The following ASMTL variants were observed in gnomAD, a reference collection of about 807,000 sequenced individuals.
ASMTL encodes probable bifunctional dTTP/UTP pyrophosphatase/methyltransferase protein.
Under a neutral mutation model 60.3 loss-of-function variants are expected in ASMTL, and 57 were observed. The ratio of observed to expected loss-of-function variants is 0.95; its 90% CI spans 0.76 to 1.18. The LOEUF (loss-of-function observed/expected upper bound fraction) is 1.18. Among genes scored for constraint, ASMTL ranks in the 50% most tolerant of loss-of-function variants. ASMTL has a pLI of 0.00. For synonymous variants in ASMTL, 419 were observed against 373.0 expected, an observed-to-expected ratio of 1.12 and a Z score of -1.42; for missense variants, 981 against 852.6, an observed-to-expected ratio of 1.15 and a Z score of -1.88.
intron 3 of ASMTL, among the ~76,000 whole-genome samples, chrX:1,437,995 G>A (rs1252320496): frequency 2.0e-5 from 3 of 150,440 alleles, no homozygotes; most frequent in Non-Finnish European, 3.0e-5. Context: ...GTTAAAAGAA[G>A]GGGAAAATTT....
At chrX:1,438,158 G>C (rs5989667) in intron 3 of ASMTL, among the ~76,000 whole-genome samples, 1 of 150,892 alleles carries the variant, frequency 6.6e-6, no homozygotes, top group Non-Finnish European at 1.5e-5. Flanking sequence ...GCGTGGTGGC[G>C]GGTGCCTGTG....
At chrX:1,450,981 T>C (rs761678451) in intron 1 of ASMTL, among the ~76,000 whole-genome samples, 672 of 38,028 alleles carry the variant, frequency 0.018, no homozygotes, top group African/African-American at 0.022. Flanking sequence ...TCCTGGGTTA[T>C]TCTCCCCTCC....
At chrX:1,405,389 T>A in intron 12 of ASMTL, among the ~76,000 whole-genome samples, 2 of 137,624 alleles carry the variant, frequency 1.5e-5, no homozygotes, top group African/African-American at 5.6e-5. Flanking sequence ...AATAGGTAGG[T>A]AGGTAGATAG....
chrX:1,412,894 G>C, intron 11 of ASMTL, 40 bp from the exon 12 acceptor site: 1 of 1,612,318 alleles, frequency 6.2e-7, no homozygotes, highest in Non-Finnish European at 8.5e-7. Flanking sequence ...GTCAGGTATG[G>C]AAGAAGCAGT....
intron 1 of ASMTL, among the ~76,000 whole-genome samples, chrX:1,451,064 C>G (rs150100468): frequency 1.7e-5 from 2 of 114,394 alleles, no homozygotes; most frequent in Non-Finnish European, 3.2e-5. Context: ...TCCCCTCCCC[C>G]ATACCTAGGG....
Position 1,417,976 on chromosome X carries a change from C to T in ASMTL, c.1519G>A (p.Ala507Thr). Residue 507 changes from alanine (A) to threonine (T), a missense_variant, in exon 11 of 13, where the codon GCA becomes ACA. Ala to Thr is a moderately conservative substitution (Grantham distance 58, BLOSUM62 0). Coordinates refer to ENST00000381317, the MANE Select transcript of ASMTL (RefSeq NM_004192.4). ...GPQAVQIHFA[A>T]GDFFRDPLPS... ...GGTGAACAGGAGGAGGGCTCACCTG[C>T]TGCGAAGTGGATCTGCACTGCCTGC... is the stretch of plus-strand genomic sequence containing the variant. 6.2e-7 allele frequency: 1 copy of T among 1,608,208 alleles called. No homozygotes were observed. The highest frequency in any genetic ancestry group is 1.3e-5 in the African/African-American group (1 of 74,944).
intron 6 of ASMTL, among the ~76,000 whole-genome samples, chrX:1,429,740 T>C (rs2090716237): frequency 6.6e-6 from 1 of 151,870 alleles, no homozygotes; most frequent in South Asian, 2.1e-4. Flanking sequence ...GAGGTTGCAG[T>C]GAGCCAAGAT....
At chrX:1,419,696 C>G (rs1217166440) in intron 9 of ASMTL, among the ~76,000 whole-genome samples, 3 of 152,194 alleles carry the variant, frequency 2.0e-5, no homozygotes, top group Non-Finnish European at 4.4e-5. Context: ...GCAGGGCAAG[C>G]AAGCCCAGCT....
At chrX:1,432,244 T>G in intron 6 of ASMTL, 25 bp downstream of exon 6, 2 of 1,559,290 alleles carry the variant, frequency 1.3e-6, no homozygotes, top group Non-Finnish European at 1.8e-6. Flanking sequence ...GTGTCCCCCG[T>G]CCCCCCACCG....
rs751655694 is a variant in ASMTL, at chrX:1,419,122, A to G, written c.1246-8T>C. On this transcript the variant is annotated splice_region_variant and splice_polypyrimidine_tract_variant and intron_variant, in intron 9 of 12. Coordinates refer to ENST00000381317, the MANE Select transcript of ASMTL (RefSeq NM_004192.4). ...GCTCTGGTAGTACGCATCCTGGAAC[A>G]CAGCAGGTGCTTAGGGGCACCAGAG... The G allele has an allele frequency of 6.3e-5, 101 of 1,610,810 alleles. No individual in the cohort carries two copies. The Middle Eastern group carries it at 1.5e-3, about 24-fold the overall frequency.
intron 3 of ASMTL, among the ~76,000 whole-genome samples, chrX:1,437,489 T>C (rs1421389870): frequency 9.2e-5 from 14 of 152,110 alleles, no homozygotes; most frequent in African/African-American, 2.2e-4. Context: ...TCCCCCTGTG[T>C]CCTCACAGGG....
In ASMTL at chrX:1,452,762, T is replaced by G; in HGVS notation, c.79A>C (p.Ile27Leu). The change falls in exon 1 of 13, where the codon ATC becomes CTC. Residue 27 changes from isoleucine (I) to leucine (L), a missense_variant. Physicochemically the swap from Ile to Leu is conservative, Grantham distance 5 (BLOSUM62 2). Coordinates refer to ENST00000381317, the MANE Select transcript of ASMTL (RefSeq NM_004192.4). ...CCAGGCCGTACCGCGTTGCTGAGGATCTCCTGACGGCGTGGGGAGGCGCTG... is the reference window on the plus strand; with the variant it reads ...CCAGGCCGTACCGCGTTGCTGAGGAGCTCCTGACGGCGTGGGGAGGCGCTG... ...LASASPRRQE[I>L]LSNAGLRFEV... is the part of the protein sequence containing the mutation. 1 of 1,592,544 alleles carries G rather than the reference T, an allele frequency of 6.3e-7. No homozygotes were observed. The highest frequency in any genetic ancestry group is 8.5e-7 in the Non-Finnish European group (1 of 1,175,640).
chrX:1,433,912 G>A (rs181615737), intron 5 of ASMTL, among the ~76,000 whole-genome samples: 7 of 152,190 alleles, frequency 4.6e-5, no homozygotes, highest in Non-Finnish European at 5.9e-5. Flanking sequence ...TGAGCCCCTC[G>A]AGCAAATGAC....
intron 9 of ASMTL, among the ~76,000 whole-genome samples, chrX:1,419,365 C>G (rs1301148138): frequency 6.6e-6 from 1 of 152,174 alleles, no homozygotes; most frequent in East Asian, 1.9e-4. Flanking sequence ...CACACCACAG[C>G]CTGAACTCCA....
chrX:1,418,711 T>G (rs767566502), intron 10 of ASMTL, among the ~76,000 whole-genome samples: 1 of 152,228 alleles, frequency 6.6e-6, no homozygotes, highest in African/African-American at 2.4e-5. Context: ...TCAGACTTGC[T>G]GAGGGGAATC....
chrX:1,436,586 T>TCA (rs2090972299), intron 3 of ASMTL, among the ~76,000 whole-genome samples: 1 of 152,160 alleles, frequency 6.6e-6, no homozygotes, highest in Non-Finnish European at 1.5e-5. Flanking sequence ...TCTCCTGACC[T>TCA]TGTGATCCAC....
At chrX:1,453,734 C>G (rs2091450929), upstream of ASMTL, 1 of 150,380 alleles carries the variant, frequency 6.6e-6, no homozygotes, top group Non-Finnish European at 1.5e-5. Context: ...TGGGGATGTC[C>G]TCGTGCCTGG....
Position 1,428,103 on chromosome X carries a change from G to A in ASMTL, c.528C>T (p.Tyr176=), listed in dbSNP as rs773540054. Residue 176 remains tyrosine (Y), a synonymous_variant, in exon 7 of 13, where the codon TAC becomes TAT. Transcript: ENST00000381317. ...GCATGCCGCCCAGGGCCTGGATCCC[G>A]TAGCCGCCAGCTTTGTCCCTGGGTG... ...SGEPMDKAGG[Y]GIQALGGMLV... 12 of 1,605,204 alleles carry A rather than the reference G, an allele frequency of 7.5e-6. No individual in the cohort carries two copies. The highest frequency in any genetic ancestry group is 4.5e-5 in the East Asian group (2 of 44,630).
At position 1,425,686 on chromosome X, in the gene ASMTL, C is replaced by A; in HGVS notation, c.899G>T (p.Gly300Val). ...CTTCAGTTTGCAAGCGGTGAGCAGGCCCTGTTAAAAGCAAGTGCAGAGAGA... is the reference window on the plus strand; with the variant it reads ...CTTCAGTTTGCAAGCGGTGAGCAGGACCTGTTAAAAGCAAGTGCAGAGAGA... ...ELIEGFMLSKGLLTACKLKVF... is the reference protein window; with the variant it reads ...ELIEGFMLSKVLLTACKLKVF... Residue 300 changes from glycine (G) to valine (V), a missense_variant and splice_region_variant, in exon 8 of 13, where the codon GGC becomes GTC. Physicochemically the swap from Gly to Val is moderately radical, Grantham distance 109 (BLOSUM62 -3). Coordinates refer to ENST00000381317, the MANE Select transcript of ASMTL (RefSeq NM_004192.4). 6.2e-7 allele frequency: 1 copy of A among 1,613,078 alleles called. No homozygotes were observed. Among genetic ancestry groups the A allele is most frequent in the Non-Finnish European group, 8.5e-7 (1 of 1,179,540 alleles).
Sources: gnomAD v4.1 joint callset for allele counts (sites outside exome capture counted in the v4.1 genomes callset) on GRCh38, gnomAD v4.1.1 for gene constraint, MANE v1.5 for transcripts, NCBI Gene and HGNC (gene_info 2026-07-23, HGNC 2026-07-21) for gene names.